The following AGAP1 variants were observed in gnomAD, a reference collection of about 807,000 sequenced individuals.
AGAP1 encodes ArfGAP with GTPase domain, ankyrin repeat and PH domain 1.
In AGAP1, 29 loss-of-function variants were observed where a neutral mutation model predicts 105.3. That is an observed-to-expected ratio of 0.28 (90% CI 0.21 to 0.38). AGAP1 has a LOEUF of 0.38. Among genes scored for constraint, AGAP1 ranks in the 10% least tolerant of loss-of-function variants. The pLI is 1.00. For missense variants in AGAP1, 998 were observed against 1,165.1 expected (o/e 0.86, Z 2.09); for synonymous variants, 509 against 485.9 (o/e 1.05, Z -0.63).
rs555718818 is a variant in AGAP1 at position 235,852,935 on chromosome 2, C to T, written c.1051-30410C>T. ...GCTGTTTGTCCTGACTTCAGCGCATCTCTGATAGACCTTTGACACCTTCCA... is the reference window on the plus strand; with the variant it reads ...GCTGTTTGTCCTGACTTCAGCGCATTTCTGATAGACCTTTGACACCTTCCA... On this transcript the variant is annotated intron_variant, in intron 9 of 17. Transcript: ENST00000304032. The T allele has an allele frequency of 1.5e-4, 188 of 1,292,078 alleles. 1 individual carries two copies. In the African/African-American group the frequency reaches 2.6e-3, roughly 18 times the overall value. 80.0% of individuals were successfully genotyped at this position (1,292,078 alleles called of 1,614,324 possible).
intron 13 of AGAP1, among the ~76,000 whole-genome samples, chr2:236,023,737 C>T (rs1057368516): frequency 3.3e-5 from 5 of 152,180 alleles, no homozygotes; most frequent in Non-Finnish European, 7.3e-5. Flanking sequence ...GTCATCTCTG[C>T]ACCGTTGCGA....
At position 235,625,399 on chromosome 2, in the gene AGAP1, G is replaced by A. The variant is rs895513573; in HGVS notation, c.164-83780G>A. Among the ~76,000 whole-genome samples, 1 of 152,252 alleles carries A rather than the reference G, an allele frequency of 6.6e-6. No individual in the cohort carries two copies. Among genetic ancestry groups the A allele is most frequent in the African/African-American group, 2.4e-5 (1 of 41,474 alleles). On this transcript the variant is annotated intron_variant, in intron 1 of 17. Coordinates refer to ENST00000304032, the MANE Select transcript of AGAP1 (RefSeq NM_001037131.3). This position sits in a 1 kb window ranked among gnomAD's most constrained non-coding sequence, Gnocchi z 4.0. ...AGGCAGCTGGAAGAAATTCATGGGA[G>A]TCCTGCATCGCTGAGGTCAGGGGAG...
chr2:235,902,625 A>C lies in AGAP1; in HGVS notation c.1156-6113A>C, dbSNP rs895896625. Among the ~76,000 whole-genome samples, 6 of 152,340 alleles carry C rather than the reference A, an allele frequency of 3.9e-5. No homozygotes were observed. In the South Asian group the frequency reaches 1.2e-3, roughly 32 times the overall value. On this transcript the variant is annotated intron_variant, in intron 10 of 17. Coordinates refer to ENST00000304032, the MANE Select transcript of AGAP1 (RefSeq NM_001037131.3). ...GAAGGTGTCAAGCTCATAGTTAGAG[A>C]TACAAGTTTGCCACATACATAGAAC...
At chr2:235,818,684 TCTC>T (rs1268718181) in intron 9 of AGAP1, among the ~76,000 whole-genome samples, 1 of 152,016 alleles carries the variant, frequency 6.6e-6, no homozygotes, top group African/African-American at 2.4e-5. Context: ...CTCAAGCAAT[TCTC>T]CTGCCTCATC....
At position 236,051,049 on chromosome 2, in the gene AGAP1, C is replaced by G. The variant is rs1018183661; in HGVS notation, c.2114+1768C>G. On this transcript the variant is annotated intron_variant, in intron 16 of 17. Transcript: ENST00000304032. This position sits in a 1 kb window ranked among gnomAD's most constrained non-coding sequence, Gnocchi z 5.9. ...CCTATTGCAGAGACTTGCTTACTCC[C>G]AAGTGCAGTGGTTGCAGTTAAGTCC... 6.6e-6 allele frequency among the ~76,000 whole-genome samples: 1 copy of G among 152,156 alleles called. No homozygotes were observed. Among genetic ancestry groups the G allele is most frequent in the African/African-American group, 2.4e-5 (1 of 41,438 alleles).
intron 16 of AGAP1, among the ~76,000 whole-genome samples, chr2:236,100,487 G>A (rs1366484106): frequency 6.6e-6 from 1 of 152,118 alleles, no homozygotes; most frequent in Non-Finnish European, 1.5e-5. Flanking sequence ...AACACCTAGT[G>A]GGTGTATAGA....
Position 235,535,119 on chromosome 2 carries a change from A to C in AGAP1, c.163+40270A>C, listed in dbSNP as rs950869225. On this transcript the variant is annotated intron_variant, in intron 1 of 17. Coordinates refer to ENST00000304032, the MANE Select transcript of AGAP1 (RefSeq NM_001037131.3). This position sits in a 1 kb window ranked among gnomAD's most constrained non-coding sequence, Gnocchi z 5.1. ...AGGTGAATGGATTCTCGCCAGGGCC[A>C]ATACTTATCCGCAGGGGTGTGTGCC... is the stretch of plus-strand genomic sequence containing the variant. Among the ~76,000 whole-genome samples the C allele has an allele frequency of 6.6e-6, 1 of 152,094 alleles. No homozygotes were observed. The highest frequency in any genetic ancestry group is 2.4e-5 in the African/African-American group (1 of 41,418).
chr2:235,813,449 C>T (rs1289112245), intron 9 of AGAP1, among the ~76,000 whole-genome samples: 1 of 152,230 alleles, frequency 6.6e-6, no homozygotes, highest in Admixed American at 6.5e-5. Context: ...TCAGTGTGTC[C>T]TCTGTGTATC....
In AGAP1 at chr2:236,101,107, T is replaced by C. The variant is rs1454709372; in HGVS notation, c.2115-19085T>C. 6.6e-6 allele frequency among the ~76,000 whole-genome samples: 1 copy of C among 152,152 alleles called. No homozygotes were observed. The highest frequency in any genetic ancestry group is 1.5e-5 in the Non-Finnish European group (1 of 68,020). On this transcript the variant is annotated intron_variant, in intron 16 of 17. Coordinates refer to ENST00000304032, the MANE Select transcript of AGAP1 (RefSeq NM_001037131.3). This position sits in a 1 kb window ranked among gnomAD's most constrained non-coding sequence, Gnocchi z 4.9. ...CCATGTTTTCATATTTTGAAAAAAG[T>C]CAAAATCCAAATTGATTTTCAATGT...
intron 9 of AGAP1, among the ~76,000 whole-genome samples, chr2:235,822,046 C>T (rs6431399): frequency 1 from 152,092 of 152,368 alleles, 75,909 homozygotes; most frequent in Middle Eastern, 1. Context: ...CCTGGGAACA[C>T]TGACCTTGGT....
In AGAP1 at chr2:236,096,672, C is replaced by T. The variant is rs10184458; in HGVS notation, c.2115-23520C>T. On this transcript the variant is annotated intron_variant, in intron 16 of 17. Coordinates refer to ENST00000304032, the MANE Select transcript of AGAP1 (RefSeq NM_001037131.3). The surrounding 1 kb of genome is among the most constrained non-coding windows in gnomAD (Gnocchi z 4.4). ...CATCTCACTGCAACCTCTGCCTCCC[C>T]GGTTCAAGTGATTCTTCTGCCTCGG... Among the ~76,000 whole-genome samples the T allele has an allele frequency of 0.012, 1,884 of 151,774 alleles. 37 individuals are homozygous for T. Among genetic ancestry groups the T allele is most frequent in the African/African-American group, 0.042 (1,757 of 41,400 alleles).
intron 1 of AGAP1, among the ~76,000 whole-genome samples, chr2:235,684,905 C>T (rs1351914810): frequency 6.6e-6 from 1 of 151,882 alleles, no homozygotes; most frequent in African/African-American, 2.4e-5. Flanking sequence ...ACGGTCATGC[C>T]CTGTCCAATC....
chr2:236,079,724 G>A lies in AGAP1; in HGVS notation c.2114+30443G>A, dbSNP rs933477516. On this transcript the variant is annotated intron_variant, in intron 16 of 17. Transcript: ENST00000304032. ...ACCTGAGACTGAGTGGCCCTGACAG[G>A]CAGTTGGTGGGACAGGGAAGGGGGT... 5.9e-5 allele frequency among the ~76,000 whole-genome samples: 9 copies of A among 152,230 alleles called. No homozygotes were observed. The South Asian group carries it at 1.9e-3, about 32-fold the overall frequency.
intron 5 of AGAP1, among the ~76,000 whole-genome samples, chr2:235,745,743 G>T (rs1952877888): frequency 6.6e-6 from 1 of 152,226 alleles, no homozygotes; most frequent in Non-Finnish European, 1.5e-5. Context: ...ACTGCACTAG[G>T]TGTGGTCTAA....
At chr2:236,008,614 C>G (rs1463897858) in intron 13 of AGAP1, among the ~76,000 whole-genome samples, 1 of 152,188 alleles carries the variant, frequency 6.6e-6, no homozygotes, top group Non-Finnish European at 1.5e-5. Context: ...AAGGGAAAAC[C>G]AACTCTCTAC....
chr2:235,718,007 A>T (rs1234956724), intron 3 of AGAP1, among the ~76,000 whole-genome samples: 2 of 152,304 alleles, frequency 1.3e-5, no homozygotes, highest in Non-Finnish European at 2.9e-5. Context: ...CATAATTTGT[A>T]TGTAATGTTA....
In AGAP1 at chr2:236,058,193, A is replaced by G. The variant is rs995883718; in HGVS notation, c.2114+8912A>G. On this transcript the variant is annotated intron_variant, in intron 16 of 17. Transcript: ENST00000304032. The surrounding 1 kb of genome is among the most constrained non-coding windows in gnomAD (Gnocchi z 4.6). ...CTGGTCTGCACTAAGTAGTAAAAAT[A>G]AAAGTCCACAATCTTGCCTGTGAAC... Among the ~76,000 whole-genome samples the G allele has an allele frequency of 6.6e-6, 1 of 152,182 alleles. No individual in the cohort carries two copies. The highest frequency in any genetic ancestry group is 1.5e-5 in the Non-Finnish European group (1 of 68,040).
At chr2:235,809,219 G>A (rs561873013) in intron 9 of AGAP1, among the ~76,000 whole-genome samples, 1 of 152,018 alleles carries the variant, frequency 6.6e-6, no homozygotes, top group Non-Finnish European at 1.5e-5. Flanking sequence ...CTGTGGAGGG[G>A]GCTAGCTTTG....
rs967583442 is a variant in AGAP1 at position 235,981,568 on chromosome 2, T to G, written c.1645+12945T>G. On this transcript the variant is annotated intron_variant, in intron 13 of 17. Coordinates refer to ENST00000304032, the MANE Select transcript of AGAP1 (RefSeq NM_001037131.3). The surrounding 1 kb of genome is among the most constrained non-coding windows in gnomAD (Gnocchi z 5.5). ...ATGCCTCTTTCAAAGAGGAAATCAATCACGAAACAGAAACTCAGAGTTGAC... is the reference window on the plus strand; with the variant it reads ...ATGCCTCTTTCAAAGAGGAAATCAAGCACGAAACAGAAACTCAGAGTTGAC... 1.3e-5 allele frequency among the ~76,000 whole-genome samples: 2 copies of G among 152,088 alleles called. No individual in the cohort carries two copies. Among genetic ancestry groups the G allele is most frequent in the Non-Finnish European group, 2.9e-5 (2 of 68,020 alleles).
Sources: gnomAD v4.1 joint callset for allele counts (sites outside exome capture counted in the v4.1 genomes callset) on GRCh38, gnomAD v4.1.1 for gene constraint, Gnocchi (gnomAD v3.1) non-coding constraint, MANE v1.5 for transcripts, NCBI Gene and HGNC (gene_info 2026-07-23, HGNC 2026-07-21) for gene names.